The following LAMA2 variants were observed in gnomAD, a reference collection of about 807,000 sequenced individuals.
The protein encoded by LAMA2 is laminin subunit alpha 2.
Under a neutral mutation model 364.8 loss-of-function variants are expected in LAMA2, and 269 were observed. The observed-to-expected ratio is 0.74, with a 90% confidence interval of 0.67 to 0.82. The LOEUF (loss-of-function observed/expected upper bound fraction) is 0.82, where lower values mean the gene tolerates loss of function less well. Among genes scored for constraint, LAMA2 ranks in the 40% least tolerant of loss-of-function variants. The pLI, the probability that LAMA2 is intolerant of heterozygous loss-of-function variation, is 0.00. For missense variants in LAMA2, 3,807 were observed against 3,873.2 expected (o/e 0.98, Z 0.45); for synonymous variants, 1,379 against 1,370.6 (o/e 1.01, Z -0.14).
chr6:128,996,231 G>T (rs1338283826), intron 1 of LAMA2, among the ~76,000 whole-genome samples: 1 of 152,144 alleles, frequency 6.6e-6, no homozygotes, highest in Non-Finnish European at 1.5e-5. Context: ...AAAGAGTTTG[G>T]CATGTGAAGA....
chr6:129,286,567 T>C (rs1343272047), intron 18 of LAMA2, among the ~76,000 whole-genome samples: 1 of 794 alleles, frequency 1.3e-3, no homozygotes, highest in East Asian at 0.25. Context: ...AGTTTTATAT[T>C]ATATTATATT....
At chr6:129,058,095 C>T (rs1788611613) in intron 2 of LAMA2, among the ~76,000 whole-genome samples, 1 of 152,198 alleles carries the variant, frequency 6.6e-6, no homozygotes, top group South Asian at 2.1e-4. Flanking sequence ...AGTGCCCTTA[C>T]TGCAGCCTTG....
At chr6:129,061,267 A>C (rs2114798262) in intron 3 of LAMA2, among the ~76,000 whole-genome samples, 1 of 152,292 alleles carries the variant, frequency 6.6e-6, no homozygotes, top group African/African-American at 2.4e-5. Context: ...GCATTGACTC[A>C]GGTCATCTCC....
intron 9 of LAMA2, among the ~76,000 whole-genome samples, chr6:129,176,833 A>G (rs1185400612): frequency 1.3e-5 from 2 of 151,816 alleles, no homozygotes; most frequent in East Asian, 3.9e-4. Flanking sequence ...TGTGCACATT[A>G]CATGTTTATG....
At position 129,057,638 on chromosome 6, in the gene LAMA2, G is replaced by T. The variant is rs1249063912; in HGVS notation, c.284-2146G>T. ...TGTGAGCGGAATTTTGTTATTCCTA[G>T]ATCAGAGATGACACATAATGTTGAA... On this transcript the variant is annotated intron_variant, in intron 2 of 64. Coordinates refer to ENST00000421865, the MANE Select transcript of LAMA2 (RefSeq NM_000426.4). 2.0e-5 allele frequency among the ~76,000 whole-genome samples: 3 copies of T among 152,124 alleles called. No individual in the cohort carries two copies. The East Asian group carries it at 5.8e-4, about 29-fold the overall frequency.
intron 29 of LAMA2, among the ~76,000 whole-genome samples, chr6:129,341,843 C>T: frequency 6.6e-6 from 1 of 152,212 alleles, no homozygotes; most frequent in East Asian, 1.9e-4. Context: ...TAGATTGACT[C>T]CTCTGTATTT....
intron 35 of LAMA2, among the ~76,000 whole-genome samples, chr6:129,384,295 A>G (rs987300361): frequency 6.6e-5 from 10 of 152,128 alleles, no homozygotes; most frequent in Non-Finnish European, 1.0e-4. Flanking sequence ...GTCCCCCTCC[A>G]ACCCAAAACA....
intron 1 of LAMA2, among the ~76,000 whole-genome samples, chr6:128,896,612 G>A (rs1163159260): frequency 1.3e-5 from 2 of 151,968 alleles, no homozygotes; most frequent in Non-Finnish European, 2.9e-5. Flanking sequence ...TCAACTTTTA[G>A]GGACTGATTT....
At chr6:129,321,271 A>G (rs1208749567) in intron 28 of LAMA2, among the ~76,000 whole-genome samples, 1 of 152,214 alleles carries the variant, frequency 6.6e-6, no homozygotes, top group Non-Finnish European at 1.5e-5. Flanking sequence ...TGAAATATTA[A>G]TAGGAACAGT....
In LAMA2 at chr6:129,481,265, T is replaced by A. The variant is rs754317320; in HGVS notation, c.7575T>A (p.Asn2525Lys). Reference sequence around the variant, plus strand: ...CTCTTCTTTTCCTTTACTCACAGAATGTTTACACAGTTAGCTTTCCTAAGC... The same window carrying A: ...CTCTTCTTTTCCTTTACTCACAGAAAGTTTACACAGTTAGCTTTCCTAAGC... ...VGVTKGCSLENVYTVSFPKPG... is the reference protein window; with the variant it reads ...VGVTKGCSLEKVYTVSFPKPG... Residue 2525 changes from asparagine to lysine, a missense_variant and splice_region_variant, in exon 55 of 65, where the codon AAT (asparagine) becomes AAA (lysine). Transcript: ENST00000421865. The A allele has an allele frequency of 2.5e-6, 4 of 1,613,252 alleles. No individual in the cohort carries two copies. In the African/African-American group the frequency reaches 4.0e-5, roughly 16 times the overall value.
intron 47 of LAMA2, 139 bp from the exon 48 acceptor site, chr6:129,456,196 T>A: frequency 1.2e-6 from 1 of 824,290 alleles, no homozygotes; most frequent in Non-Finnish European, 2.0e-6. Context: ...TGTTAGAAAC[T>A]AAACAGCCAG....
intron 9 of LAMA2, among the ~76,000 whole-genome samples, chr6:129,167,503 A>G (rs1387467616): frequency 6.6e-6 from 1 of 151,952 alleles, no homozygotes; most frequent in African/African-American, 2.4e-5. Flanking sequence ...ATCATTTTTT[A>G]TGGCTGCATA....
intron 10 of LAMA2, among the ~76,000 whole-genome samples, chr6:129,180,039 G>A (rs1562306170): frequency 1.3e-5 from 1 of 79,412 alleles, no homozygotes; most frequent in Non-Finnish European, 2.3e-5. Flanking sequence ...AAGACACTTA[G>A]TGTAGTGTAT....
At chr6:129,451,052 C>T (rs868203106) in intron 45 of LAMA2, among the ~76,000 whole-genome samples, 42 of 152,166 alleles carry the variant, frequency 2.8e-4, no homozygotes, top group African/African-American at 9.4e-4. Flanking sequence ...ACTGTGCTGT[C>T]TTTCTCTTGC....
chr6:129,157,585 T>C (rs1779188419), intron 8 of LAMA2: 2 of 1,613,110 alleles, frequency 1.2e-6, no homozygotes, highest in Non-Finnish European at 1.7e-6. Flanking sequence ...CTCAACGCTG[T>C]GAGTCTGGGG....
intron 34 of LAMA2, among the ~76,000 whole-genome samples, chr6:129,372,408 T>A (rs571106405): frequency 7.8e-4 from 119 of 152,340 alleles, no homozygotes; most frequent in African/African-American, 2.7e-3. Context: ...TGTGGTACTT[T>A]TTCATATTAG....
At chr6:129,493,899 G>T (rs948239740) in intron 58 of LAMA2, among the ~76,000 whole-genome samples, 6 of 152,066 alleles carry the variant, frequency 3.9e-5, no homozygotes, top group African/African-American at 1.4e-4. Flanking sequence ...ATAGACCATG[G>T]TAGGCTATTG....
At chr6:129,298,492 A>ATCACT (rs1488164140) in intron 21 of LAMA2, among the ~76,000 whole-genome samples, 3 of 152,330 alleles carry the variant, frequency 2.0e-5, no homozygotes, top group Admixed American at 6.5e-5. Context: ...CTAAGAAAAT[A>ATCACT]TCACTTAGCA....
rs189724669 is a variant in LAMA2 at position 129,018,677 on chromosome 6, T to C, written c.113-31241T>C. ...GGTCCTATTCATATATCTCAACTTG[T>C]CAATTTTTAATATCATCAATTGACA... On this transcript the variant is annotated intron_variant, in intron 1 of 64. Transcript: ENST00000421865. Among the ~76,000 whole-genome samples, 234 of 152,220 alleles carry C rather than the reference T, an allele frequency of 1.5e-3. 1 individual carries two copies. Among genetic ancestry groups the C allele is most frequent in the African/African-American group, 5.4e-3 (225 of 41,570 alleles).
Sources: allele counts gnomAD v4.1 joint callset (sites outside exome capture counted in the v4.1 genomes callset), GRCh38; gene constraint gnomAD v4.1.1; transcripts MANE v1.5; gene names NCBI Gene and HGNC (gene_info 2026-07-23, HGNC 2026-07-21).